The following TMCC1 variants were observed in gnomAD, a reference collection of about 807,000 sequenced individuals.
TMCC1 encodes transmembrane and coiled-coil domains protein 1.
A neutral mutation model predicts 52.4 loss-of-function variants in TMCC1; 15 were observed. The ratio of observed to expected loss-of-function variants is 0.29; its 90% CI spans 0.19 to 0.44. TMCC1 has a LOEUF of 0.44. Among genes scored for constraint, TMCC1 ranks in the 20% least tolerant of loss-of-function variants. The probability of loss-of-function intolerance (pLI) is 1.00; values close to 1 mark genes in which losing one functional copy is unlikely to be tolerated. For missense variants in TMCC1, 503 were observed against 806.0 expected, an observed-to-expected ratio of 0.62 and a Z score of 4.55; for synonymous variants, 279 against 301.9, an observed-to-expected ratio of 0.92 and a Z score of 0.79.
intron 4 of TMCC1, among the ~76,000 whole-genome samples, chr3:129,678,023 T>C (rs1377623766): frequency 6.6e-6 from 1 of 151,958 alleles, no homozygotes; most frequent in Non-Finnish European, 1.5e-5. Context: ...GCCTCCTGGG[T>C]TCAAGCGATT....
chr3:129,818,691 CA>C (rs1365433921), intron 4 of TMCC1, among the ~76,000 whole-genome samples: 1 of 151,362 alleles, frequency 6.6e-6, no homozygotes, highest in East Asian at 1.9e-4. Flanking sequence ...AAACTTTTTG[CA>C]AAACAAATTG....
chr3:129,837,287 G>A (rs767107824), intron 2 of TMCC1, among the ~76,000 whole-genome samples: 4 of 151,976 alleles, frequency 2.6e-5, no homozygotes, highest in Non-Finnish European at 5.9e-5. Flanking sequence ...CTAACTGACA[G>A]GCTTTGAGTA....
At chr3:129,672,894 T>G (rs1454981334) in intron 4 of TMCC1, among the ~76,000 whole-genome samples, 1 of 152,158 alleles carries the variant, frequency 6.6e-6, no homozygotes, top group Admixed American at 6.5e-5. Context: ...TGGGATGTAT[T>G]ACCTCAGTTT....
In TMCC1 at chr3:129,651,939, C is replaced by T. The variant is rs966726101; in HGVS notation, c.1648-144G>A. 7.3e-6 allele frequency: 7 copies of T among 957,940 alleles called. No individual in the cohort carries two copies. The highest frequency in any genetic ancestry group is 1.7e-5 in the African/African-American group (1 of 60,400). The allele number at this position is 957,940 out of a possible 1,614,324, so 59.3% of individuals were successfully genotyped here. On this transcript the variant is annotated intron_variant, in intron 6 of 6. Coordinates refer to ENST00000393238, the MANE Select transcript of TMCC1 (RefSeq NM_001017395.5). The surrounding 1 kb of genome is among the most constrained non-coding windows in gnomAD (Gnocchi z 5.1). The stretch of plus-strand genomic sequence containing the variant: ...TGGAGCCTTGAATGAATGTAAAAGG[C>T]TAGATGTATAACTCACTATTCAAGT...
Position 129,817,538 on chromosome 3 carries a change from C to CA in TMCC1, c.576+10264dup, listed in dbSNP as rs1491184877. 2.6e-5 allele frequency among the ~76,000 whole-genome samples: 4 copies of CA among 152,186 alleles called. No individual in the cohort carries two copies. In the South Asian group the frequency reaches 6.2e-4, roughly 24 times the overall value. The stretch of plus-strand genomic sequence containing the variant: ...AAAGAATATTTACTATCTTATTATC[C>CA]AAAGGGAAATAAATTGCTAACAAGA... On this transcript the variant is annotated intron_variant, in intron 4 of 6. Transcript: ENST00000393238.
In TMCC1 at chr3:129,728,618, C is replaced by T. The variant is rs142091526; in HGVS notation, c.577-57354G>A. 4.6e-5 allele frequency among the ~76,000 whole-genome samples: 7 copies of T among 152,190 alleles called. No homozygotes were observed. In the East Asian group the frequency reaches 1.4e-3, roughly 29 times the overall value. Reference sequence around the variant, plus strand: ...GTTTTTAAAAAATTTCTTAACACCACAGAATTTACTTTTTACGTATGTGTA... The same window carrying T: ...GTTTTTAAAAAATTTCTTAACACCATAGAATTTACTTTTTACGTATGTGTA... On this transcript the variant is annotated intron_variant, in intron 4 of 6. Transcript: ENST00000393238.
At chr3:129,788,400 C>T (rs970481159) in intron 4 of TMCC1, among the ~76,000 whole-genome samples, 1 of 152,160 alleles carries the variant, frequency 6.6e-6, no homozygotes, top group African/African-American at 2.4e-5. Context: ...AGGTCATTCT[C>T]TATTCCTTAT....
intron 1 of TMCC1, among the ~76,000 whole-genome samples, chr3:129,882,748 T>A (rs1229716148): frequency 6.6e-6 from 1 of 152,210 alleles, no homozygotes; most frequent in Admixed American, 6.5e-5. Flanking sequence ...CAGGACATTA[T>A]ATTAAGTGAC....
At chr3:129,833,223 A>AT (rs1429744255) in intron 2 of TMCC1, among the ~76,000 whole-genome samples, 1 of 151,974 alleles carries the variant, frequency 6.6e-6, no homozygotes, top group Non-Finnish European at 1.5e-5. Context: ...TATAAGTAAA[A>AT]TTTTTTTTCA....
intron 2 of TMCC1, among the ~76,000 whole-genome samples, chr3:129,844,517 T>C (rs1431011918): frequency 6.6e-6 from 1 of 152,228 alleles, no homozygotes. Context: ...TTTTTTTTCT[T>C]ACCTTTGTTT....
At chr3:129,788,868 T>C (rs1248998793) in intron 4 of TMCC1, among the ~76,000 whole-genome samples, 1 of 152,192 alleles carries the variant, frequency 6.6e-6, no homozygotes, top group South Asian at 2.1e-4. Flanking sequence ...TGTTGGATAT[T>C]TGAGTATTCA....
intron 2 of TMCC1, among the ~76,000 whole-genome samples, chr3:129,873,062 G>C (rs1384672217): frequency 1.3e-5 from 2 of 151,826 alleles, no homozygotes; most frequent in Non-Finnish European, 2.9e-5. Flanking sequence ...CACCACGCTT[G>C]GCTAGTTTTT....
chr3:129,867,894 G>A (rs959496490), intron 2 of TMCC1, among the ~76,000 whole-genome samples: 7 of 152,292 alleles, frequency 4.6e-5, no homozygotes, highest in African/African-American at 1.7e-4. Flanking sequence ...GCATACAAAC[G>A]CTAGAACAGA....
At chr3:129,748,527 A>G (rs1157920432) in intron 4 of TMCC1, among the ~76,000 whole-genome samples, 1 of 152,116 alleles carries the variant, frequency 6.6e-6, no homozygotes, top group Non-Finnish European at 1.5e-5. Flanking sequence ...ACCTCAGGCA[A>G]TCCACCTGCC....
chr3:129,798,875 G>C (rs543014920), intron 4 of TMCC1, among the ~76,000 whole-genome samples: 1 of 152,266 alleles, frequency 6.6e-6, no homozygotes, highest in South Asian at 2.1e-4. Context: ...CAACAATGCT[G>C]CCAGTTTTAG....
chr3:129,866,943 C>A (rs1272708670), intron 2 of TMCC1: 8 of 152,030 alleles, frequency 5.3e-5, no homozygotes, highest in Non-Finnish European at 8.8e-5. Flanking sequence ...AAAACAAATT[C>A]TTTATCAACA....
chr3:129,853,880 T>C (rs1483182208), intron 2 of TMCC1, among the ~76,000 whole-genome samples: 1 of 152,102 alleles, frequency 6.6e-6, no homozygotes, highest in African/African-American at 2.4e-5. Flanking sequence ...AATGTAGGAC[T>C]CCTCTCTTCT....
At chr3:129,745,925 A>G (rs1346585627) in intron 4 of TMCC1, among the ~76,000 whole-genome samples, 5 of 150,704 alleles carry the variant, frequency 3.3e-5, no homozygotes, top group East Asian at 3.9e-4. Flanking sequence ...AAAAAAAAAA[A>G]GGAAAGAAAA....
At chr3:129,782,977 G>C (rs1461386939) in intron 4 of TMCC1, among the ~76,000 whole-genome samples, 1 of 152,110 alleles carries the variant, frequency 6.6e-6, no homozygotes, top group East Asian at 1.9e-4. Flanking sequence ...CTTAAGAAAA[G>C]CTATTTTACA....
Sources: gnomAD v4.1 joint callset for allele counts (sites outside exome capture counted in the v4.1 genomes callset) on GRCh38, gnomAD v4.1.1 for gene constraint, Gnocchi (gnomAD v3.1) non-coding constraint, MANE v1.5 for transcripts, NCBI Gene and HGNC (gene_info 2026-07-23, HGNC 2026-07-21) for gene names.